Variants in SCN8A observed in about 807,000 individuals in gnomAD.
SCN8A encodes sodium channel protein type 8 subunit alpha.
In SCN8A, 30 loss-of-function variants were observed where a neutral mutation model predicts 184.1. The ratio of observed to expected loss-of-function variants is 0.16; its 90% CI spans 0.12 to 0.22. The LOEUF is 0.22. Ranked by LOEUF, SCN8A falls within the 10% of genes least tolerant of loss-of-function variation. SCN8A has a pLI of 1.00. For synonymous variants in SCN8A, 852 were observed against 907.0 expected, an observed-to-expected ratio of 0.94 and a Z score of 1.09; for missense variants, 1,057 against 2,498.9, an observed-to-expected ratio of 0.42 and a Z score of 12.30.
At chr12:51,743,758 A>G (rs1031201958) in intron 12 of SCN8A, among the ~76,000 whole-genome samples, 5 of 152,204 alleles carry the variant, frequency 3.3e-5, no homozygotes, top group African/African-American at 1.2e-4. Context: ...CCTCCCCTTC[A>G]GGGCAGCAAG....
chr12:51,761,628 A>G (rs1038725602), intron 14 of SCN8A, among the ~76,000 whole-genome samples: 2 of 151,952 alleles, frequency 1.3e-5, no homozygotes, highest in Non-Finnish European at 2.9e-5. Flanking sequence ...CCCTGGTACC[A>G]TAGGCGCCCA....
At chr12:51,772,177 C>A (rs1942934770) in intron 19 of SCN8A, among the ~76,000 whole-genome samples, 1 of 152,120 alleles carries the variant, frequency 6.6e-6, no homozygotes, top group Non-Finnish European at 1.5e-5. Context: ...GTGCGGATCA[C>A]CTGAGGTTGG....
intron 6 of SCN8A, among the ~76,000 whole-genome samples, chr12:51,690,642 G>A (rs1420419534): frequency 2.0e-5 from 3 of 152,280 alleles, no homozygotes; most frequent in East Asian, 1.9e-4. Context: ...GATTACAGGC[G>A]TGAACCACTG....
chr12:51,687,515 C>T (rs575638544), intron 5 of SCN8A, among the ~76,000 whole-genome samples: 4 of 152,232 alleles, frequency 2.6e-5, no homozygotes, highest in Admixed American at 6.5e-5. Context: ...CTCCTTGTAA[C>T]GATCACGGTT....
chr12:51,769,251 A>G lies in SCN8A; in HGVS notation c.3288A>G (p.Val1096=). The G allele has an allele frequency of 4.3e-6, 7 of 1,613,298 alleles. No individual in the cohort carries two copies. Among genetic ancestry groups the G allele is most frequent in the Non-Finnish European group, 5.9e-6 (7 of 1,179,312 alleles). ...ACAACCCCAACTTGACTGTACGGGT[A>G]CCCATTGCTGTGGGCGAGTCTGACT... is the stretch of plus-strand genomic sequence containing the variant. ...FINNPNLTVR[V]PIAVGESDFE... Residue 1096 remains valine (V), a synonymous_variant, in exon 17 of 27, where the codon GTA becomes GTG. Coordinates refer to ENST00000627620, the MANE Select transcript of SCN8A (RefSeq NM_001330260.2).
chr12:51,641,750 G>A (rs555660506), intron 1 of SCN8A, among the ~76,000 whole-genome samples: 12 of 152,276 alleles, frequency 7.9e-5, no homozygotes, highest in African/African-American at 2.6e-4. Context: ...TCACTGGGGC[G>A]GAGAGCAGAA....
chr12:51,703,237 TTTTTGTTTTG>T (rs5798183), intron 9 of SCN8A, among the ~76,000 whole-genome samples: 33 of 150,004 alleles, frequency 2.2e-4, no homozygotes, highest in Admixed American at 1.4e-3. Flanking sequence ...GGGTTTGTTT[TTTTTGTTTTG>T]TTTTGTTTTG....
intron 12 of SCN8A, among the ~76,000 whole-genome samples, chr12:51,732,330 T>C (rs894467558): frequency 6.6e-6 from 1 of 152,194 alleles, no homozygotes; most frequent in Admixed American, 6.5e-5. Context: ...TGAGACTGTC[T>C]TTTCCCCAGT....
intron 12 of SCN8A, among the ~76,000 whole-genome samples, chr12:51,736,524 A>G (rs1433273066): frequency 4.6e-5 from 7 of 152,240 alleles, no homozygotes; most frequent in African/African-American, 1.7e-4. Context: ...AGGTAATGCT[A>G]TATCTGCATT....
chr12:51,757,621 G>A (rs1335818998), intron 14 of SCN8A, among the ~76,000 whole-genome samples: 2 of 152,138 alleles, frequency 1.3e-5, no homozygotes, highest in Non-Finnish European at 2.9e-5. Context: ...TCAGGCATAT[G>A]ACCACAGGCT....
intron 26 of SCN8A, among the ~76,000 whole-genome samples, chr12:51,799,884 A>C (rs917157533): frequency 1.3e-5 from 2 of 152,174 alleles, no homozygotes; most frequent in Non-Finnish European, 2.9e-5. Flanking sequence ...GCCCCTAGAA[A>C]TTTCACTGAG....
At chr12:51,606,820 C>A (rs1012730396) in intron 1 of SCN8A, among the ~76,000 whole-genome samples, 9 of 145,876 alleles carry the variant, frequency 6.2e-5, no homozygotes, top group African/African-American at 2.3e-4. Flanking sequence ...TAGGTATATT[C>A]CTAAGTATTT....
rs1942739895 is a variant in SCN8A, at chr12:51,760,069, AG to A, written c.2371-2433del. On this transcript the variant is annotated intron_variant, in intron 14 of 26. Coordinates refer to ENST00000627620, the MANE Select transcript of SCN8A (RefSeq NM_001330260.2). ...TCACATGACCTAATCACCTCTTATC[AG>A]ACCTTGCTGCCCAACAGTGTTGCAT... Among the ~76,000 whole-genome samples the A allele has an allele frequency of 2.6e-5, 4 of 152,228 alleles. No individual in the cohort carries two copies. The South Asian group carries it at 8.3e-4, about 31-fold the overall frequency.
intron 15 of SCN8A, among the ~76,000 whole-genome samples, chr12:51,762,921 T>C (rs560698032): frequency 2.0e-5 from 3 of 152,328 alleles, no homozygotes; most frequent in Non-Finnish European, 4.4e-5. Context: ...AAATGCTGCT[T>C]AATCTAAGAG....
At chr12:51,658,460 C>G (rs149205280) in intron 1 of SCN8A, among the ~76,000 whole-genome samples, 1 of 151,982 alleles carries the variant, frequency 6.6e-6, no homozygotes, top group African/African-American at 2.4e-5. Flanking sequence ...TACGTTGATT[C>G]TGTACCCTGC....
chr12:51,713,533 C>A, intron 11 of SCN8A: 1 of 747,270 alleles, frequency 1.3e-6, no homozygotes. Flanking sequence ...TGGGTCATGG[C>A]CCTCTTCCTG....
At chr12:51,748,265 T>G (rs1161694222) in intron 13 of SCN8A, among the ~76,000 whole-genome samples, 4 of 152,210 alleles carry the variant, frequency 2.6e-5, no homozygotes, top group Non-Finnish European at 5.9e-5. Flanking sequence ...AATCCAAAGA[T>G]TAAAATAATT....
chr12:51,765,342 C>G (rs1942822234), intron 15 of SCN8A, among the ~76,000 whole-genome samples: 1 of 151,954 alleles, frequency 6.6e-6, no homozygotes, highest in African/African-American at 2.4e-5. Flanking sequence ...TGTGAGAAGT[C>G]AAGGGAAAAT....
chr12:51,758,586 C>T (rs986754788), intron 14 of SCN8A, among the ~76,000 whole-genome samples: 2 of 152,028 alleles, frequency 1.3e-5, no homozygotes, highest in African/African-American at 4.8e-5. Flanking sequence ...TATAGGTGCC[C>T]GCCACCATGC....
Sources: allele counts gnomAD v4.1 joint callset (sites outside exome capture counted in the v4.1 genomes callset), GRCh38; gene constraint gnomAD v4.1.1; transcripts MANE v1.5; gene names NCBI Gene and HGNC (gene_info 2026-07-23, HGNC 2026-07-21).